The following CYP7B1 variants were observed in gnomAD, a reference collection of about 807,000 sequenced individuals.
CYP7B1 encodes the protein cytochrome P450 family 7 subfamily B member 1.
A neutral mutation model predicts 42.7 loss-of-function variants in CYP7B1; 29 were observed. That is an observed-to-expected ratio of 0.68 (90% CI 0.51 to 0.93). The LOEUF is 0.93. Among genes scored for constraint, CYP7B1 ranks in the 40% least tolerant of loss-of-function variants. The pLI is 0.00. For missense variants in CYP7B1, 655 were observed against 600.5 expected (o/e 1.09, Z -0.95); for synonymous variants, 235 against 218.2 (o/e 1.08, Z -0.68).
At chr8:64,605,210 G>T (rs922426265) in intron 4 of CYP7B1, among the ~76,000 whole-genome samples, 1 of 152,182 alleles carries the variant, frequency 6.6e-6, no homozygotes, top group Non-Finnish European at 1.5e-5. Context: ...AAAATACACA[G>T]CTGGTGAGTC....
At chr8:64,722,223 G>C (rs1474941648) in intron 1 of CYP7B1, among the ~76,000 whole-genome samples, 3 of 152,194 alleles carry the variant, frequency 2.0e-5, no homozygotes, top group African/African-American at 7.2e-5. Flanking sequence ...TATGTTGGAA[G>C]GCCCTGGCCT....
intron 1 of CYP7B1, among the ~76,000 whole-genome samples, chr8:64,694,496 T>A (rs569683636): frequency 1.3e-5 from 2 of 152,148 alleles, no homozygotes; most frequent in Non-Finnish European, 2.9e-5. Flanking sequence ...GGGTGGTAAA[T>A]GAGAGTGCTA....
rs1265090791 is a variant in CYP7B1, at chr8:64,615,753, A to C, written c.788T>G (p.Val263Gly). Residue 263 changes from valine to glycine, a missense_variant, in exon 3 of 6, where the codon GTT becomes GGT. Val to Gly is a moderately radical substitution (Grantham distance 109). Transcript: ENST00000310193. ...CAGGACATCTTGCCTGCTTTGAAAA[A>C]CTTCTGACCATCCTTGCATCTTGGC... ...KLAKMQGWSE[V>G]FQSRQDVLEK... 4.3e-6 allele frequency: 7 copies of C among 1,613,538 alleles called. No individual in the cohort carries two copies. The highest frequency in any genetic ancestry group is 5.9e-6 in the Non-Finnish European group (7 of 1,179,768).
Position 64,669,726 on chromosome 8 carries a change from T to C in CYP7B1, c.123-45187A>G, listed in dbSNP as rs78576955. ...GGAGGGAATGAAGGTTTTACATACA[T>C]ACACACACACACACACACACATACA... is the stretch of plus-strand genomic sequence containing the variant. On this transcript the variant is annotated intron_variant, in intron 1 of 5. Coordinates refer to ENST00000310193, the MANE Select transcript of CYP7B1 (RefSeq NM_004820.5). 7.8e-3 allele frequency among the ~76,000 whole-genome samples: 1,019 copies of C among 129,828 alleles called. 5 individuals are homozygous for C. Among genetic ancestry groups the C allele is most frequent in the Middle Eastern group, 0.023 (6 of 264 alleles). The allele number at this position is 129,828 out of a possible 152,430, so 85.2% of individuals were successfully genotyped here. A position where few individuals can be genotyped will look rare whatever the true frequency, so the allele number is the denominator to read the frequency against.
At chr8:64,727,150 T>G (rs946709296) in intron 1 of CYP7B1, among the ~76,000 whole-genome samples, 3 of 152,190 alleles carry the variant, frequency 2.0e-5, no homozygotes, top group African/African-American at 7.2e-5. Context: ...GTGCTTTCCC[T>G]GCCCACTTAA....
chr8:64,756,679 C>A (rs1468625319), intron 1 of CYP7B1, among the ~76,000 whole-genome samples: 1 of 152,152 alleles, frequency 6.6e-6, no homozygotes, highest in East Asian at 1.9e-4. Context: ...GTAGCCTCTG[C>A]ATCATAAAAT....
rs143065684 is a variant in CYP7B1 at position 64,622,799 on chromosome 8, C to T, written c.259+1604G>A. On this transcript the variant is annotated intron_variant, in intron 2 of 5. Transcript: ENST00000310193. ...GGACAGGGAGATGGAGTGTCTTGAACATTCTTTGAAATTGGAGAAAACATG... is the reference window on the plus strand; with the variant it reads ...GGACAGGGAGATGGAGTGTCTTGAATATTCTTTGAAATTGGAGAAAACATG... Among the ~76,000 whole-genome samples, 409 of 152,252 alleles carry T rather than the reference C, an allele frequency of 2.7e-3. 4 individuals carry two copies. The highest frequency in any genetic ancestry group is 3.3e-3 in the Non-Finnish European group (223 of 68,020).
At chr8:64,693,370 TG>T (rs1242229685) in intron 1 of CYP7B1, among the ~76,000 whole-genome samples, 5 of 152,192 alleles carry the variant, frequency 3.3e-5, no homozygotes, top group Admixed American at 3.3e-4. Context: ...TGTCTTTGTG[TG>T]TGTTTTGGCA....
At chr8:64,736,792 C>A (rs1213873077) in intron 1 of CYP7B1, among the ~76,000 whole-genome samples, 5 of 151,998 alleles carry the variant, frequency 3.3e-5, no homozygotes, top group African/African-American at 9.7e-5. Context: ...ATTTTATTTT[C>A]TTGCTCTCTT....
intron 1 of CYP7B1, among the ~76,000 whole-genome samples, chr8:64,748,941 T>C (rs1376014167): frequency 6.6e-6 from 1 of 152,138 alleles, no homozygotes; most frequent in Non-Finnish European, 1.5e-5. Flanking sequence ...ATGCAGATGA[T>C]TACAACACTA....
chr8:64,750,003 T>C (rs1349006685), intron 1 of CYP7B1, among the ~76,000 whole-genome samples: 4 of 152,220 alleles, frequency 2.6e-5, no homozygotes, highest in Admixed American at 2.0e-4. Context: ...ACACTGTTTC[T>C]TGAATGAATA....
chr8:64,764,707 G>A (rs1348313760), intron 1 of CYP7B1, among the ~76,000 whole-genome samples: 1 of 152,126 alleles, frequency 6.6e-6, no homozygotes, highest in Non-Finnish European at 1.5e-5. Flanking sequence ...ACAGAAGAAA[G>A]TAGAAAAATA....
intron 1 of CYP7B1, among the ~76,000 whole-genome samples, chr8:64,671,444 A>G (rs1806366106): frequency 6.6e-6 from 1 of 152,196 alleles, no homozygotes; most frequent in African/African-American, 2.4e-5. Flanking sequence ...TAGAACTCCA[A>G]GGCAATGGAA....
chr8:64,721,397 T>C (rs1005575327), intron 1 of CYP7B1, among the ~76,000 whole-genome samples: 52 of 152,336 alleles, frequency 3.4e-4, no homozygotes, highest in African/African-American at 1.2e-3. Context: ...TGTATTTTAT[T>C]TGGTATTATT....
chr8:64,636,231 C>T (rs1032763584), intron 1 of CYP7B1, among the ~76,000 whole-genome samples: 23 of 152,246 alleles, frequency 1.5e-4, no homozygotes, highest in African/African-American at 4.8e-4. Flanking sequence ...CTACCCAGAA[C>T]GAGGGTGCTG....
At chr8:64,703,352 C>T (rs1367500735) in intron 1 of CYP7B1, among the ~76,000 whole-genome samples, 1 of 152,132 alleles carries the variant, frequency 6.6e-6, no homozygotes, top group South Asian at 2.1e-4. Context: ...GGAAGCACAG[C>T]ATAACCCCTT....
chr8:64,686,350 A>G (rs1387910905), intron 1 of CYP7B1, among the ~76,000 whole-genome samples: 2 of 30,566 alleles, frequency 6.5e-5, no homozygotes, highest in East Asian at 6.0e-4. Context: ...GGCCGCCCCT[A>G]CTGGGAAGTG....
intron 2 of CYP7B1, 93 bp from the exon 3 acceptor site, chr8:64,616,374 A>G (rs958036099): frequency 1.2e-6 from 1 of 846,018 alleles, no homozygotes; most frequent in African/African-American, 1.7e-5. Flanking sequence ...AATCAAAATT[A>G]GAAAGACCCT....
intron 1 of CYP7B1, among the ~76,000 whole-genome samples, chr8:64,791,499 T>G (rs1279309522): frequency 6.6e-6 from 1 of 151,960 alleles, no homozygotes; most frequent in African/African-American, 2.4e-5. Context: ...GGAGAGAGAT[T>G]TAGAGATGCC....
Sources: gnomAD v4.1 joint callset for allele counts (sites outside exome capture counted in the v4.1 genomes callset) on GRCh38, gnomAD v4.1.1 for gene constraint, MANE v1.5 for transcripts, NCBI Gene and HGNC (gene_info 2026-07-23, HGNC 2026-07-21) for gene names.